Variants in FAM135B observed in about 807,000 individuals in gnomAD.
FAM135B encodes the protein protein FAM135B.
A neutral mutation model predicts 127.7 loss-of-function variants in FAM135B; 43 were observed. The observed-to-expected ratio is 0.34, with a 90% CI of 0.26 to 0.43. The LOEUF (loss-of-function observed/expected upper bound fraction) is 0.43. Ranked by LOEUF, FAM135B falls within the 20% of genes least tolerant of loss-of-function variation. FAM135B has a pLI of 1.00. For synonymous variants in FAM135B, 670 were observed against 665.1 expected (o/e 1.01, Z -0.11); for missense variants, 1,558 against 1,725.6 (o/e 0.90, Z 1.72).
At chr8:138,170,007 GA>G (rs1282465161) in intron 11 of FAM135B, among the ~76,000 whole-genome samples, 1 of 152,180 alleles carries the variant, frequency 6.6e-6, no homozygotes, top group Non-Finnish European at 1.5e-5. Flanking sequence ...CTGATTGCAG[GA>G]AACTGAGGAG....
At chr8:138,384,593 T>C (rs1832069072) in intron 1 of FAM135B, among the ~76,000 whole-genome samples, 1 of 152,096 alleles carries the variant, frequency 6.6e-6, no homozygotes. Flanking sequence ...CATTGGGTTT[T>C]CTGCCAAGTA....
At chr8:138,435,512 A>G (rs1031243115) in intron 1 of FAM135B, among the ~76,000 whole-genome samples, 2 of 152,168 alleles carry the variant, frequency 1.3e-5, no homozygotes, top group African/African-American at 4.8e-5. Flanking sequence ...AAATGCAATA[A>G]GACTACTAGT....
At chr8:138,414,832 G>GA (rs569233129) in intron 1 of FAM135B, among the ~76,000 whole-genome samples, 33 of 152,106 alleles carry the variant, frequency 2.2e-4, no homozygotes, top group African/African-American at 6.3e-4. Context: ...TAATTCTAAA[G>GA]AAAAAAACAT....
chr8:138,194,313 C>T (rs758881385), intron 9 of FAM135B, among the ~76,000 whole-genome samples: 14 of 152,294 alleles, frequency 9.2e-5, no homozygotes, highest in East Asian at 1.9e-4. Flanking sequence ...TCTCTGCCTC[C>T]GCATTCCGCC....
chr8:138,339,691 G>A (rs1388614688), intron 2 of FAM135B, among the ~76,000 whole-genome samples: 2 of 152,152 alleles, frequency 1.3e-5, no homozygotes, highest in Non-Finnish European at 1.5e-5. Context: ...GCTGAGAGCT[G>A]CAGCATCACA....
chr8:138,398,183 A>G (rs1206292383), intron 1 of FAM135B, among the ~76,000 whole-genome samples: 2 of 152,084 alleles, frequency 1.3e-5, no homozygotes, highest in African/African-American at 4.8e-5. Flanking sequence ...ACCACCCAGC[A>G]CCCATCAGAG....
intron 1 of FAM135B, among the ~76,000 whole-genome samples, chr8:138,415,099 C>T (rs1003927421): frequency 1.3e-5 from 2 of 152,150 alleles, no homozygotes; most frequent in African/African-American, 4.8e-5. Context: ...TACTCAATCC[C>T]CATGCTCAAT....
chr8:138,208,715 A>G (rs1230680162), intron 7 of FAM135B, among the ~76,000 whole-genome samples: 1 of 152,298 alleles, frequency 6.6e-6, no homozygotes, highest in Non-Finnish European at 1.5e-5. Flanking sequence ...GTTCTTTGCC[A>G]TCATAAAGCA....
At chr8:138,222,817 A>T (rs1161317916) in intron 7 of FAM135B, among the ~76,000 whole-genome samples, 1 of 151,992 alleles carries the variant, frequency 6.6e-6, no homozygotes, top group Non-Finnish European at 1.5e-5. Flanking sequence ...TTATTCTTAA[A>T]TTATGGATTA....
At chr8:138,421,409 T>C (rs939741153) in intron 1 of FAM135B, among the ~76,000 whole-genome samples, 3 of 152,202 alleles carry the variant, frequency 2.0e-5, no homozygotes, top group South Asian at 2.1e-4. Flanking sequence ...AGTCTCTGTA[T>C]AGAAGCTCTT....
intron 7 of FAM135B, among the ~76,000 whole-genome samples, chr8:138,235,587 TAAG>T (rs1366565535): frequency 1.4e-4 from 21 of 152,268 alleles, no homozygotes; most frequent in African/African-American, 4.1e-4. Context: ...TATAAGAGAA[TAAG>T]AAGAAGAGCC....
chr8:138,381,073 T>G (rs975285466), intron 1 of FAM135B, among the ~76,000 whole-genome samples: 2 of 152,170 alleles, frequency 1.3e-5, no homozygotes, highest in African/African-American at 4.8e-5. Context: ...TCCGGGTCCT[T>G]AGAGTATGAG....
In FAM135B at chr8:138,172,322, G is replaced by A. The variant is rs150987432; in HGVS notation, c.1104-4273C>T. On this transcript the variant is annotated intron_variant, in intron 11 of 19. Coordinates refer to ENST00000395297, the MANE Select transcript of FAM135B (RefSeq NM_015912.4). ...CACACTGCCCTCCAGCCCCACTGAC[G>A]TTCTCCTAGATCTTTGGTGCAGCAT... Among the ~76,000 whole-genome samples, 646 of 152,212 alleles carry A rather than the reference G, an allele frequency of 4.2e-3. 3 individuals are homozygous for A. Among genetic ancestry groups the A allele is most frequent in the African/African-American group, 0.015 (617 of 41,504 alleles).
chr8:138,485,837 C>G (rs904383062), intron 1 of FAM135B, among the ~76,000 whole-genome samples: 8 of 152,024 alleles, frequency 5.3e-5, no homozygotes, highest in Non-Finnish European at 1.0e-4. Flanking sequence ...ACTCAAAAAG[C>G]AAGCTAAGAG....
chr8:138,306,726 G>T (rs565052546), intron 3 of FAM135B, among the ~76,000 whole-genome samples: 10 of 152,114 alleles, frequency 6.6e-5, no homozygotes, highest in African/African-American at 2.4e-4. Flanking sequence ...GGGACTACAG[G>T]TGTGCACCAC....
chr8:138,311,896 T>G (rs1826710426), intron 2 of FAM135B, among the ~76,000 whole-genome samples: 1 of 152,198 alleles, frequency 6.6e-6, no homozygotes, highest in Admixed American at 6.5e-5. Flanking sequence ...TCCAGCTGTG[T>G]GACTTTAAGT....
intron 7 of FAM135B, among the ~76,000 whole-genome samples, chr8:138,217,779 G>T (rs1479987708): frequency 6.6e-6 from 1 of 152,116 alleles, no homozygotes; most frequent in Non-Finnish European, 1.5e-5. Context: ...TCCTATGCGT[G>T]AGGCGCTGAG....
chr8:138,397,596 C>T lies in FAM135B; in HGVS notation c.-19-29594G>A, dbSNP rs987178438. 4.6e-5 allele frequency among the ~76,000 whole-genome samples: 7 copies of T among 152,132 alleles called. No homozygotes were observed. In the South Asian group the frequency reaches 8.3e-4, roughly 18 times the overall value. The stretch of plus-strand genomic sequence containing the variant: ...ACTCAGTGAAAATAATTGCTGTTGA[C>T]TCTAAAAATAATTAGCTATCCATAT... On this transcript the variant is annotated intron_variant, in intron 1 of 19. Transcript: ENST00000395297.
intron 1 of FAM135B, among the ~76,000 whole-genome samples, chr8:138,424,508 CT>C (rs1834726632): frequency 6.6e-6 from 1 of 152,100 alleles, no homozygotes; most frequent in South Asian, 2.1e-4. Context: ...AAAATTTACC[CT>C]TGACAAAGTA....
Sources: allele counts gnomAD v4.1 joint callset (sites outside exome capture counted in the v4.1 genomes callset), GRCh38; gene constraint gnomAD v4.1.1; transcripts MANE v1.5; gene names NCBI Gene and HGNC (gene_info 2026-07-23, HGNC 2026-07-21).